Variants in TMEM117 observed in about 807,000 individuals in gnomAD.
TMEM117 encodes the protein transmembrane protein 117.
A neutral mutation model predicts 52.4 loss-of-function variants in TMEM117; 27 were observed. The ratio of observed to expected loss-of-function variants is 0.51; its 90% CI spans 0.38 to 0.71. The LOEUF (loss-of-function observed/expected upper bound fraction) is 0.71, where lower values mean the gene tolerates loss of function less well. Ranked by LOEUF, TMEM117 falls within the 30% of genes least tolerant of loss-of-function variation. TMEM117 has a pLI of 0.00. For synonymous variants in TMEM117, 215 were observed against 206.3 expected (o/e 1.04, Z -0.36); for missense variants, 556 against 630.5 (o/e 0.88, Z 1.26).
the TMEM117 span, among the ~76,000 whole-genome samples, chr12:43,812,269 G>A: frequency 1.6e-4 from 25 of 152,256 alleles, no homozygotes; most frequent in Admixed American, 6.5e-4. Context: ...CAGAGACAGC[G>A]CCTAAAAGAG....
chr12:44,080,821 G>T (rs562994602), intron 3 of TMEM117, among the ~76,000 whole-genome samples: 2 of 152,122 alleles, frequency 1.3e-5, no homozygotes, highest in Non-Finnish European at 2.9e-5. Flanking sequence ...CTGATGTATT[G>T]TCTGTTACAT....
At chr12:43,945,371 C>T (rs186139682) in intron 3 of TMEM117, among the ~76,000 whole-genome samples, 153 of 152,276 alleles carry the variant, frequency 1.0e-3, no homozygotes, top group Admixed American at 2.4e-3. Context: ...GGCTGGAGTG[C>T]AGTGACGCGA....
chr12:44,190,595 A>G (rs1441772297), intron 4 of TMEM117, among the ~76,000 whole-genome samples: 2 of 152,110 alleles, frequency 1.3e-5, no homozygotes, highest in South Asian at 2.1e-4. Flanking sequence ...TCAGTTAAAC[A>G]CACTTCTGAG....
At chr12:44,182,788 A>C (rs1281844566) in intron 4 of TMEM117, among the ~76,000 whole-genome samples, 1 of 152,098 alleles carries the variant, frequency 6.6e-6, no homozygotes, top group Non-Finnish European at 1.5e-5. Flanking sequence ...AGTTGTACTG[A>C]TTGGCAAAAG....
At chr12:44,251,434 T>G (rs1330692679) in intron 5 of TMEM117, among the ~76,000 whole-genome samples, 1 of 152,152 alleles carries the variant, frequency 6.6e-6, no homozygotes, top group Non-Finnish European at 1.5e-5. Context: ...TTTTTTTATA[T>G]TGATGAAATC....
chr12:44,311,722 T>A (rs1950977826), intron 6 of TMEM117, among the ~76,000 whole-genome samples: 5 of 142,586 alleles, frequency 3.5e-5, no homozygotes, highest in Admixed American at 3.5e-4. Flanking sequence ...ATTAAATATA[T>A]ATATGTATAT....
chr12:44,270,396 T>C (rs551445640), intron 5 of TMEM117, among the ~76,000 whole-genome samples: 4 of 152,144 alleles, frequency 2.6e-5, no homozygotes, highest in Non-Finnish European at 5.9e-5. Context: ...GGGGTTGCGT[T>C]CTTGATTTGA....
intron 4 of TMEM117, among the ~76,000 whole-genome samples, chr12:44,194,503 T>C (rs1949393577): frequency 6.6e-6 from 1 of 152,086 alleles, no homozygotes; most frequent in Admixed American, 6.6e-5. Context: ...AGAAATGAAA[T>C]GAAAATAAAA....
At chr12:43,993,649 T>G (rs1167902746) in intron 3 of TMEM117, among the ~76,000 whole-genome samples, 2 of 152,272 alleles carry the variant, frequency 1.3e-5, no homozygotes, top group East Asian at 3.9e-4. Context: ...AGATATAGAA[T>G]TGTTTATATT....
intron 5 of TMEM117, among the ~76,000 whole-genome samples, chr12:44,220,263 A>G (rs1592617078): frequency 6.6e-6 from 1 of 152,280 alleles, no homozygotes; most frequent in East Asian, 1.9e-4. Flanking sequence ...GCTAGAATTG[A>G]TTGATGAGTA....
In TMEM117 at chr12:44,036,885, A is replaced by G. The variant is rs138493410; in HGVS notation, c.410+92543A>G. ...AACAGACTATAATTTTTACCCATTT[A>G]TGTAATATGTTATCTCTTCATGGTT... On this transcript the variant is annotated intron_variant, in intron 3 of 7. Coordinates refer to ENST00000266534, the MANE Select transcript of TMEM117 (RefSeq NM_032256.3). 3.0e-3 allele frequency among the ~76,000 whole-genome samples: 460 copies of G among 152,316 alleles called. 4 individuals carry two copies. The highest frequency in any genetic ancestry group is 0.01 in the African/African-American group (418 of 41,574).
intron 3 of TMEM117, among the ~76,000 whole-genome samples, chr12:44,126,889 A>G (rs1458485802): frequency 6.6e-6 from 1 of 152,242 alleles, no homozygotes; most frequent in African/African-American, 2.4e-5. Flanking sequence ...TAGTGCAGGA[A>G]CTTCAAAAAG....
rs556684583 is a variant in TMEM117 at position 44,108,190 on chromosome 12, A to AATTT, written c.411-35314_411-35311dup. ...CCTGTTCCACTAATCACTTGTACCA[A>AATTT]ATTTATTTATTTATTTATTTATTTT... On this transcript the variant is annotated intron_variant, in intron 3 of 7. Coordinates refer to ENST00000266534, the MANE Select transcript of TMEM117 (RefSeq NM_032256.3). Among the ~76,000 whole-genome samples, 993 of 151,816 alleles carry AATTT rather than the reference A, an allele frequency of 6.5e-3. 7 individuals carry two copies. Among genetic ancestry groups the AATTT allele is most frequent in the African/African-American group, 9.0e-3 (374 of 41,414 alleles).
chr12:44,201,580 T>C (rs1363354990), intron 4 of TMEM117, among the ~76,000 whole-genome samples: 1 of 152,188 alleles, frequency 6.6e-6, no homozygotes, highest in African/African-American at 2.4e-5. Flanking sequence ...AAGTATACTT[T>C]ATAAAACTAA....
chr12:44,054,746 T>A (rs1947027121), intron 3 of TMEM117, among the ~76,000 whole-genome samples: 1 of 152,060 alleles, frequency 6.6e-6, no homozygotes, highest in Non-Finnish European at 1.5e-5. Context: ...CATTTTCTTT[T>A]TTTTTTAAAT....
At chr12:44,080,685 G>T (rs1209032242) in intron 3 of TMEM117, among the ~76,000 whole-genome samples, 1 of 151,984 alleles carries the variant, frequency 6.6e-6, no homozygotes, top group Admixed American at 6.6e-5. Flanking sequence ...GTTTTTAAAT[G>T]GTTGAAAAAA....
chr12:43,872,608 A>G (rs963275755), intron 2 of TMEM117, among the ~76,000 whole-genome samples: 28 of 152,210 alleles, frequency 1.8e-4, no homozygotes, highest in Non-Finnish European at 2.9e-5. Context: ...AAATCATTAC[A>G]TGACATATTG....
chr12:44,208,060 A>T (rs1410891884), intron 4 of TMEM117, among the ~76,000 whole-genome samples: 2 of 152,112 alleles, frequency 1.3e-5, no homozygotes, highest in Non-Finnish European at 2.9e-5. Context: ...AACTCTCATC[A>T]TTGCTATTTT....
chr12:44,154,215 A>G (rs1278464006), intron 4 of TMEM117, among the ~76,000 whole-genome samples: 1 of 152,108 alleles, frequency 6.6e-6, no homozygotes, highest in South Asian at 2.1e-4. Flanking sequence ...GGTCAAGTGT[A>G]AGATCAAATA....
Sources: allele counts gnomAD v4.1 joint callset (sites outside exome capture counted in the v4.1 genomes callset), GRCh38; gene constraint gnomAD v4.1.1; transcripts MANE v1.5; gene names NCBI Gene and HGNC (gene_info 2026-07-23, HGNC 2026-07-21).